IKBKB-DT: variants seen among roughly 807,000 people sequenced by gnomAD.
IKBKB-DT encodes IKBKB divergent transcript.
chr8:42,249,415 A>C (rs543849167), intron 3 of IKBKB-DT: 2 of 134,918 alleles, frequency 1.5e-5, no homozygotes, highest in Non-Finnish European at 3.0e-5. Context: ...GCATGTATAT[A>C]TATGTGTGTG....
At chr8:42,236,415 G>C (rs1806922173) in intron 3 of IKBKB-DT, among the ~76,000 whole-genome samples, 1 of 152,136 alleles carries the variant, frequency 6.6e-6, no homozygotes, top group South Asian at 2.1e-4. Flanking sequence ...ACTTCATTTA[G>C]ATTTTGATTT....
At chr8:42,240,427 A>G (rs1806985454) in intron 3 of IKBKB-DT, among the ~76,000 whole-genome samples, 1 of 151,704 alleles carries the variant, frequency 6.6e-6, no homozygotes, top group African/African-American at 2.4e-5. Context: ...GATCGAGACC[A>G]TCCTGGCTAA....
At chr8:42,237,840 A>G (rs141414426) in intron 3 of IKBKB-DT, among the ~76,000 whole-genome samples, 3 of 152,020 alleles carry the variant, frequency 2.0e-5, no homozygotes, top group African/African-American at 7.2e-5. Flanking sequence ...CTTGGGCAAC[A>G]GAGTAAGACC....
At chr8:42,236,112 T>C (rs573485731) in intron 3 of IKBKB-DT, among the ~76,000 whole-genome samples, 2 of 151,606 alleles carry the variant, frequency 1.3e-5, no homozygotes, top group Non-Finnish European at 2.9e-5. Flanking sequence ...TTCATATTAA[T>C]AACATATATC....
chr8:42,247,949 T>C (rs1316737721), intron 3 of IKBKB-DT, among the ~76,000 whole-genome samples: 1 of 151,740 alleles, frequency 6.6e-6, no homozygotes, highest in Non-Finnish European at 1.5e-5. Context: ...AAAAATTAAC[T>C]GGGCACAGTA....
intron 1 of IKBKB-DT, among the ~76,000 whole-genome samples, chr8:42,269,166 A>T (rs1807428926): frequency 1.3e-5 from 2 of 151,218 alleles, no homozygotes; most frequent in South Asian, 4.2e-4. Context: ...AATAAAATTT[A>T]AAAATTAGCT....
chr8:42,247,373 C>A (rs1169089067), intron 3 of IKBKB-DT, among the ~76,000 whole-genome samples: 5 of 152,172 alleles, frequency 3.3e-5, no homozygotes, highest in Non-Finnish European at 7.3e-5. Flanking sequence ...GGAATGGGAG[C>A]ATTTGCCCAA....
intron 3 of IKBKB-DT, among the ~76,000 whole-genome samples, chr8:42,242,673 A>G (rs1807017840): frequency 6.6e-6 from 1 of 152,170 alleles, no homozygotes; most frequent in Non-Finnish European, 1.5e-5. Context: ...TGATGCCTAC[A>G]GTCCTTCCCC....
Position 42,266,866 on chromosome 8 carries a change from G to A in IKBKB-DT, n.604-470C>T, listed in dbSNP as rs899892003. On this transcript the variant is annotated intron_variant and non_coding_transcript_variant, in intron 1 of 3. Transcript: ENST00000518213. ...ACCCTATTTGGTCTAAAAAAGGGAG[G>A]CATGAATAACCCACCCCTTGTTTAG... is the stretch of plus-strand genomic sequence containing the variant. Among the ~76,000 whole-genome samples the A allele has an allele frequency of 2.4e-4, 37 of 152,242 alleles. 1 individual carries two copies. The highest frequency in any genetic ancestry group is 1.1e-3 in the Admixed American group (17 of 15,258).
chr8:42,241,224 C>CTTTTTTTTTTTTTTTTTTTTTTT lies in IKBKB-DT; in HGVS notation n.1530-7388_1530-7366dup, dbSNP rs773177896. On this transcript the variant is annotated intron_variant and non_coding_transcript_variant, in intron 3 of 3. Transcript: ENST00000518213. ...TTGATGCCTTTAGATATGTTGGAATCTTTTTTTTTTTTTTTTTTTTTTTTT... is the reference window on the plus strand; with the variant it reads ...TTGATGCCTTTAGATATGTTGGAATCTTTTTTTTTTTTTTTTTTTTTTTTTTTTTTTTTTTTTTTTTTTTTTTT... Among the ~76,000 whole-genome samples, 8 of 45,678 alleles carry CTTTTTTTTTTTTTTTTTTTTTTT rather than the reference C, an allele frequency of 1.8e-4. 2 individuals carry two copies. The highest frequency in any genetic ancestry group is 8.6e-4 in the Admixed American group (2 of 2,328). The allele number at this position is 45,678 out of a possible 152,430, so 30.0% of individuals were successfully genotyped here.
rs373430591 is a variant in IKBKB-DT at position 42,244,381 on chromosome 8, C to T, written n.1530-10522G>A. Among the ~76,000 whole-genome samples, 163 of 152,280 alleles carry T rather than the reference C, an allele frequency of 1.1e-3. 1 individual carries two copies. The highest frequency in any genetic ancestry group is 3.8e-3 in the African/African-American group (158 of 41,560). On this transcript the variant is annotated intron_variant and non_coding_transcript_variant, in intron 3 of 3. Transcript: ENST00000518213. ...AAGGGAGGGGGCTTCCCGGGCAGTT[C>T]CAGCACTGTGTCATTGGTGGAGATG...
At chr8:42,249,906 G>A (rs950095200) in intron 3 of IKBKB-DT, among the ~76,000 whole-genome samples, 12 of 150,958 alleles carry the variant, frequency 7.9e-5, no homozygotes, top group Non-Finnish European at 7.4e-5. Context: ...GTGAAACCTC[G>A]TCTTCACTAA....
At chr8:42,249,728 T>C (rs1488701788) in intron 3 of IKBKB-DT, among the ~76,000 whole-genome samples, 1 of 152,124 alleles carries the variant, frequency 6.6e-6, no homozygotes, top group Non-Finnish European at 1.5e-5. Context: ...AAGAAGGATT[T>C]TACTCACTGA....
At chr8:42,239,649 CA>C (rs1485397771) in intron 3 of IKBKB-DT, among the ~76,000 whole-genome samples, 7 of 13,164 alleles carry the variant, frequency 5.3e-4, no homozygotes, top group South Asian at 2.7e-3. Flanking sequence ...TTTATTTATT[CA>C]TTTTTTTTTT....
chr8:42,240,124 C>T (rs1806980779), intron 3 of IKBKB-DT, among the ~76,000 whole-genome samples: 1 of 151,872 alleles, frequency 6.6e-6, no homozygotes, highest in Admixed American at 6.6e-5. Context: ...ATGATACAGC[C>T]TCTAGACATA....
intron 3 of IKBKB-DT, chr8:42,255,657 G>C (rs570445138): frequency 1.3e-5 from 2 of 152,096 alleles, no homozygotes; most frequent in Non-Finnish European, 2.9e-5. Context: ...TCCAGTCAAC[G>C]TCTTAGCAAT....
intron 1 of IKBKB-DT, among the ~76,000 whole-genome samples, chr8:42,269,553 A>G (rs1356379701): frequency 8.0e-6 from 1 of 124,656 alleles, no homozygotes; most frequent in African/African-American, 3.0e-5. Flanking sequence ...GAAAGAAACC[A>G]AGTAGCCGGG....
At chr8:42,249,212 C>A (rs1350805926) in intron 3 of IKBKB-DT, 1 of 151,728 alleles carries the variant, frequency 6.6e-6, no homozygotes. Context: ...TACAAAAAAA[C>A]TGAAAAATTG....
chr8:42,242,310 A>G (rs1368819195), intron 3 of IKBKB-DT, among the ~76,000 whole-genome samples: 2 of 152,206 alleles, frequency 1.3e-5, no homozygotes, highest in Admixed American at 6.5e-5. Context: ...GTTGGGATAA[A>G]GATTCCTAGC....
Sources: allele counts gnomAD v4.1 joint callset (sites outside exome capture counted in the v4.1 genomes callset), GRCh38; gene constraint gnomAD v4.1.1; transcripts MANE v1.5; gene names NCBI Gene and HGNC (gene_info 2026-07-23, HGNC 2026-07-21).